The following FBXL17 variants were observed in gnomAD, a reference collection of about 807,000 sequenced individuals.
The protein encoded by FBXL17 is F-box/LRR-repeat protein 17.
Under a neutral mutation model 66.2 loss-of-function variants are expected in FBXL17, and 22 were observed. The ratio of observed to expected loss-of-function variants is 0.33; its 90% CI spans 0.24 to 0.47. The LOEUF (loss-of-function observed/expected upper bound fraction) is 0.47, where lower values mean the gene tolerates loss of function less well. FBXL17 is among the 20% of genes least tolerant of loss of function. The pLI, the probability that FBXL17 is intolerant of heterozygous loss-of-function variation, is 1.00. For missense variants in FBXL17, 878 were observed against 948.2 expected (o/e 0.93, Z 0.97); for synonymous variants, 474 against 400.5 (o/e 1.18, Z -2.19).
chr5:108,186,478 G>GAAAGTAGA (rs1361150664), intron 5 of FBXL17, among the ~76,000 whole-genome samples: 8 of 150,910 alleles, frequency 5.3e-5, no homozygotes, highest in Non-Finnish European at 1.0e-4. Context: ...AACATTAAAA[G>GAAAGTAGA]AAAGTAGATT....
chr5:107,921,477 A>G (rs80052112), intron 7 of FBXL17, among the ~76,000 whole-genome samples: 2,326 of 152,356 alleles, frequency 0.015, 64 homozygotes, highest in African/African-American at 0.052. Flanking sequence ...GACATTGAGA[A>G]GCAGGAAACA....
chr5:108,257,999 G>A (rs781126735), intron 4 of FBXL17, among the ~76,000 whole-genome samples: 8 of 152,128 alleles, frequency 5.3e-5, no homozygotes, highest in Non-Finnish European at 7.3e-5. Context: ...AGGCGTGCCA[G>A]CAACTGTGGG....
intron 7 of FBXL17, among the ~76,000 whole-genome samples, chr5:108,012,732 C>A (rs17439877): frequency 0.14 from 21,643 of 152,118 alleles, 1,621 homozygotes; most frequent in East Asian, 0.18. Flanking sequence ...TAGTACCTAG[C>A]TGGCTGGGTG....
chr5:108,236,345 C>T (rs1008050278), intron 4 of FBXL17, among the ~76,000 whole-genome samples: 1 of 152,006 alleles, frequency 6.6e-6, no homozygotes, highest in Non-Finnish European at 1.5e-5. Flanking sequence ...AACCCTGTCT[C>T]TACTAAAAGT....
intron 6 of FBXL17, among the ~76,000 whole-genome samples, chr5:108,065,861 G>C (rs142702401): frequency 5.4e-4 from 82 of 152,158 alleles, no homozygotes; most frequent in African/African-American, 1.9e-3. Flanking sequence ...AAAACAACCA[G>C]GACTATCTGA....
At chr5:108,011,086 G>A (rs551053241) in intron 7 of FBXL17, among the ~76,000 whole-genome samples, 13 of 152,250 alleles carry the variant, frequency 8.5e-5, no homozygotes, top group African/African-American at 3.1e-4. Context: ...TTATTTTAAT[G>A]TTAAATTTAT....
chr5:108,323,156 G>C (rs1759695047), intron 4 of FBXL17, among the ~76,000 whole-genome samples: 1 of 151,706 alleles, frequency 6.6e-6, no homozygotes, highest in Non-Finnish European at 1.5e-5. Flanking sequence ...GAAAGGAAGA[G>C]ACAAAATTAT....
chr5:107,890,167 T>TC (rs1255266640), intron 7 of FBXL17, among the ~76,000 whole-genome samples: 1 of 152,208 alleles, frequency 6.6e-6, no homozygotes, highest in Non-Finnish European at 1.5e-5. Context: ...ATGTATCCTT[T>TC]CCAAAATCCT....
chr5:107,882,498 T>TA (rs894639572), intron 7 of FBXL17, among the ~76,000 whole-genome samples: 4 of 152,080 alleles, frequency 2.6e-5, no homozygotes, highest in African/African-American at 4.8e-5. Flanking sequence ...ACAATTTTTT[T>TA]AAAAAAAGTT....
intron 5 of FBXL17, among the ~76,000 whole-genome samples, chr5:108,200,279 T>C (rs932130583): frequency 6.6e-6 from 1 of 151,882 alleles, no homozygotes. Flanking sequence ...ATAGAATATA[T>C]ATAGAGAAGA....
intron 7 of FBXL17, among the ~76,000 whole-genome samples, chr5:107,964,385 A>C (rs2067765): frequency 6.6e-6 from 1 of 151,490 alleles, no homozygotes; most frequent in Non-Finnish European, 1.5e-5. Flanking sequence ...TATTTAGAGA[A>C]TAAACATTAC....
intron 8 of FBXL17, among the ~76,000 whole-genome samples, chr5:107,866,570 A>T (rs537935770): frequency 1.3e-5 from 2 of 152,284 alleles, no homozygotes; most frequent in South Asian, 2.1e-4. Context: ...TAACAAATTT[A>T]TCTAGGCCAT....
intron 7 of FBXL17, among the ~76,000 whole-genome samples, chr5:107,959,381 AACACACACACACACACACAC>A (rs57041975): frequency 1.4e-5 from 2 of 148,002 alleles, no homozygotes; most frequent in Non-Finnish European, 3.0e-5. Flanking sequence ...GGCTGCTATA[AACACACACACACACACACAC>A]ACACACACAC....
intron 7 of FBXL17, among the ~76,000 whole-genome samples, chr5:107,986,542 T>A (rs1398788811): frequency 6.6e-6 from 1 of 151,770 alleles, no homozygotes. Context: ...ATGTGTCATA[T>A]CTTCCTTATC....
chr5:108,068,156 T>C (rs1179069790), intron 6 of FBXL17, among the ~76,000 whole-genome samples: 1 of 152,206 alleles, frequency 6.6e-6, no homozygotes, highest in Non-Finnish European at 1.5e-5. Context: ...TTAGATTCTT[T>C]ACTTAAAAAA....
intron 7 of FBXL17, among the ~76,000 whole-genome samples, chr5:107,898,869 T>C (rs982946702): frequency 3.3e-5 from 5 of 152,240 alleles, no homozygotes; most frequent in African/African-American, 1.2e-4. Flanking sequence ...CAGTCTATCA[T>C]TGATGGGCAT....
chr5:108,201,813 T>C (rs1490038088), intron 5 of FBXL17, among the ~76,000 whole-genome samples: 1 of 99,460 alleles, frequency 1.0e-5, no homozygotes, highest in Non-Finnish European at 2.1e-5. Context: ...GATCCTTAAA[T>C]AAAATTTCTG....
In FBXL17 at chr5:108,381,362, C is replaced by T. The variant is rs936027252; in HGVS notation, c.330G>A (p.Glu110=). ...AGCGGCGGGCAGCAGCGGCGCAGTC[C>T]TCGGCGGCCAGGGCCGCGTAGCGCC... ...LARRYAALAA[E]DCAAAARRFL... is the part of the protein sequence containing the mutation. The change falls in exon 1 of 9, where the codon GAG becomes GAA. Residue 110 remains glutamate (E), a synonymous_variant. Transcript: ENST00000542267. 2 of 1,346,048 alleles carry T rather than the reference C, an allele frequency of 1.5e-6. No homozygotes were observed. 83.4% of individuals were successfully genotyped at this position (1,346,048 alleles called of 1,614,324 possible).
At chr5:107,881,494 A>T (rs756120402) in intron 7 of FBXL17, among the ~76,000 whole-genome samples, 5 of 152,190 alleles carry the variant, frequency 3.3e-5, no homozygotes, top group Non-Finnish European at 5.9e-5. Context: ...TGTATTACAG[A>T]TACAACATTT....
Sources: allele counts gnomAD v4.1 joint callset (sites outside exome capture counted in the v4.1 genomes callset), GRCh38; gene constraint gnomAD v4.1.1; transcripts MANE v1.5; gene names NCBI Gene and HGNC (gene_info 2026-07-23, HGNC 2026-07-21).